SYT7: variants seen among roughly 807,000 people sequenced by gnomAD.
The protein encoded by SYT7 is synaptotagmin 7.
SYT7 carries 29 observed loss-of-function variants against 75.1 expected under a neutral mutation model. That is an observed-to-expected ratio of 0.39 (90% confidence interval 0.29 to 0.53). The LOEUF (loss-of-function observed/expected upper bound fraction) is 0.53, where lower values mean the gene tolerates loss of function less well. Among genes scored for constraint, SYT7 ranks in the 20% least tolerant of loss-of-function variants. The probability of loss-of-function intolerance (pLI) is 0.77; values close to 1 mark genes in which losing one functional copy is unlikely to be tolerated. For synonymous variants in SYT7, 376 were observed against 401.7 expected (o/e 0.94, Z 0.76); for missense variants, 693 against 953.2 (o/e 0.73, Z 3.59).
chr11:61,523,897 A>C lies in SYT7; in HGVS notation c.1686T>G (p.Ser562=), dbSNP rs774822637. Residue 562 remains serine (S), a synonymous_variant, in exon 11 of 13, where the codon TCT becomes TCG. Coordinates refer to ENST00000539008, the MANE Select transcript of SYT7 (RefSeq NM_001365809.2). The surrounding 1 kb of genome is among the most constrained non-coding windows in gnomAD (Gnocchi z 5.0). ...TGATGTTCACGATGATGGAGTTGGC[A>C]GAGGGGTTGTAGCAGAGAGACAAGA... is the stretch of plus-strand genomic sequence containing the variant. ...ELLLSLCYNP[S]ANSIIVNIIK... 6 of 1,613,914 alleles carry C rather than the reference A, an allele frequency of 3.7e-6. No individual in the cohort carries two copies. The African/African-American group carries it at 6.7e-5, about 18-fold the overall frequency.
rs745662250 is a variant in SYT7 at position 61,551,405 on chromosome 11, C to A, written c.194G>T (p.Arg65Leu). 6.2e-7 allele frequency: 1 copy of A among 1,613,852 alleles called. No homozygotes were observed. Among genetic ancestry groups the A allele is most frequent in the Non-Finnish European group, 8.5e-7 (1 of 1,179,946 alleles). The change falls in exon 3 of 13, where the codon CGC becomes CTC. Residue 65 changes from arginine (R) to leucine (L), a missense_variant. Transcript: ENST00000539008. This position sits in a 1 kb window ranked among gnomAD's most constrained non-coding sequence, Gnocchi z 5.3. ...TVGTPDSGRGRSEKKAINDLD... is the reference protein window; with the variant it reads ...TVGTPDSGRGLSEKKAINDLD... ...CTACTTGATAGCCTTCTTCTCACTG[C>A]GCCCACGCCCTGAGTCTGGCGTGCC...
intron 9 of SYT7, among the ~76,000 whole-genome samples, chr11:61,527,154 G>T (rs1363540466): frequency 5.3e-5 from 8 of 152,136 alleles, no homozygotes; most frequent in Admixed American, 5.2e-4. Context: ...AGAGAGAAAG[G>T]ACATTTGTCT....
chr11:61,572,034 T>C (rs1318171150), intron 1 of SYT7, among the ~76,000 whole-genome samples: 2 of 152,176 alleles, frequency 1.3e-5, no homozygotes, highest in African/African-American at 4.8e-5. Context: ...CTGGGTATTT[T>C]TAGGCCTCAG....
rs907793772 is a variant in SYT7 at position 61,551,019 on chromosome 11, A to C, written c.215+365T>G. Reference sequence around the variant, plus strand: ...GGAGGGGCCTCCCCGGCCTAGCAGCAGGGGCCCCATGAGAGGGGCTTGGAG... The same window carrying C: ...GGAGGGGCCTCCCCGGCCTAGCAGCCGGGGCCCCATGAGAGGGGCTTGGAG... On this transcript the variant is annotated intron_variant, in intron 3 of 12. Coordinates refer to ENST00000539008, the MANE Select transcript of SYT7 (RefSeq NM_001365809.2). The surrounding 1 kb of genome is among the most constrained non-coding windows in gnomAD (Gnocchi z 5.3). Among the ~76,000 whole-genome samples, 1 of 152,144 alleles carries C rather than the reference A, an allele frequency of 6.6e-6. No individual in the cohort carries two copies. The highest frequency in any genetic ancestry group is 1.5e-5 in the Non-Finnish European group (1 of 68,018).
upstream of SYT7, among the ~76,000 whole-genome samples, chr11:61,583,699 C>T (rs2064328789): frequency 6.6e-6 from 1 of 152,242 alleles, no homozygotes; most frequent in African/African-American, 2.4e-5. Context: ...GTCTCATCCT[C>T]TCCTCACGGG....
intron 9 of SYT7, among the ~76,000 whole-genome samples, chr11:61,525,058 T>C (rs1448862431): frequency 6.6e-6 from 1 of 152,012 alleles, no homozygotes; most frequent in Non-Finnish European, 1.5e-5. Context: ...TCCACACCCC[T>C]CTCCTCCTGC....
At chr11:61,530,848 CAG>C (rs1254981049) in intron 8 of SYT7, 1 of 985,316 alleles carries the variant, frequency 1.0e-6, no homozygotes, top group East Asian at 1.1e-4. Context: ...TCAGCTGGGA[CAG>C]AGCCATCTCT....
chr11:61,566,268 A>G (rs1173379104), intron 1 of SYT7, among the ~76,000 whole-genome samples: 1 of 151,520 alleles, frequency 6.6e-6, no homozygotes, highest in Non-Finnish European at 1.5e-5. Flanking sequence ...CTGCTCAGTG[A>G]CCCCCTCACC....
upstream of SYT7, among the ~76,000 whole-genome samples, chr11:61,582,775 C>T (rs200772452): frequency 2.0e-5 from 3 of 152,276 alleles, no homozygotes; most frequent in East Asian, 3.9e-4. Context: ...GTCTTCCCCC[C>T]ACTCACCCAA....
intron 7 of SYT7, among the ~76,000 whole-genome samples, chr11:61,533,943 G>A (rs558013038): frequency 2.9e-4 from 44 of 152,186 alleles, no homozygotes; most frequent in Admixed American, 2.2e-3. Context: ...ACAGAAAGAC[G>A]GGCACCACCG....
chr11:61,531,457 T>TGG (rs35039204), intron 8 of SYT7, among the ~76,000 whole-genome samples: 6 of 145,426 alleles, frequency 4.1e-5, no homozygotes, highest in Admixed American at 2.1e-4. Context: ...CCAGTCTTCC[T>TGG]GGGGGGGGGA....
At chr11:61,522,804 CCT>C (rs2062386314) in intron 12 of SYT7, among the ~76,000 whole-genome samples, 1 of 152,200 alleles carries the variant, frequency 6.6e-6, no homozygotes, top group Non-Finnish European at 1.5e-5. Flanking sequence ...CCAGGCCATT[CCT>C]CTCTTGCACT....
At chr11:61,570,194 T>C (rs2063884453) in intron 1 of SYT7, among the ~76,000 whole-genome samples, 1 of 152,256 alleles carries the variant, frequency 6.6e-6, no homozygotes, top group African/African-American at 2.4e-5. Context: ...GGCTAAGTCC[T>C]ACTGGTGGGT....
At chr11:61,518,866 T>C (rs990900219) in intron 12 of SYT7, 135 bp from the exon 13 acceptor site, 9 of 532,138 alleles carry the variant, frequency 1.7e-5, no homozygotes, top group Non-Finnish European at 2.8e-5. Flanking sequence ...TGTGACAACC[T>C]ACCCCACAGA....
rs1441467165 is a variant in SYT7 at position 61,518,597 on chromosome 11, C to G, written c.*30G>C. Reference sequence around the variant, plus strand: ...TGAGGGCATGATGGGGACCTGGGCCCTCGGCCCCCTGGGCCTCCCTTGGCC... The same window carrying G: ...TGAGGGCATGATGGGGACCTGGGCCGTCGGCCCCCTGGGCCTCCCTTGGCC... On this transcript the variant is annotated 3_prime_UTR_variant, in exon 13 of 13. Coordinates refer to ENST00000539008, the MANE Select transcript of SYT7 (RefSeq NM_001365809.2). 11 of 1,493,788 alleles carry G rather than the reference C, an allele frequency of 7.4e-6. No individual in the cohort carries two copies. The South Asian group carries it at 1.1e-4, about 16-fold the overall frequency. 92.5% of individuals were successfully genotyped at this position (1,493,788 alleles called of 1,614,324 possible).
At position 61,516,396 on chromosome 11, in the gene SYT7, G is replaced by A. The variant is rs1416549889; in HGVS notation, c.*2231C>T. 6.6e-6 allele frequency: 1 copy of A among 152,174 alleles called. No individual in the cohort carries two copies. The highest frequency in any genetic ancestry group is 2.4e-5 in the African/African-American group (1 of 41,442). 9.4% of individuals were successfully genotyped at this position (152,174 alleles called of 1,614,324 possible). On this transcript the variant is annotated 3_prime_UTR_variant, in exon 13 of 13. Transcript: ENST00000539008. The surrounding 1 kb of genome is among the most constrained non-coding windows in gnomAD (Gnocchi z 4.6). ...GATTGGCTAAGAGCTCTGTGGGCGG[G>A]GCTCGGGAAAAATGGGGAGCCGTTG...
chr11:61,527,210 C>G (rs1411856975), intron 9 of SYT7, among the ~76,000 whole-genome samples: 1 of 152,128 alleles, frequency 6.6e-6, no homozygotes, highest in East Asian at 1.9e-4. Flanking sequence ...CCGTCCCATG[C>G]GGGGGAGGGG....
rs933293430 is a variant in SYT7, at chr11:61,550,678, A to G, written c.215+706T>C. On this transcript the variant is annotated intron_variant, in intron 3 of 12. Coordinates refer to ENST00000539008, the MANE Select transcript of SYT7 (RefSeq NM_001365809.2). ...GCAAAAGCCTCCATTTCCAGAGCCC[A>G]GGTGGCCTGAGTCCCCCGCCAGGTG... is the stretch of plus-strand genomic sequence containing the variant. Among the ~76,000 whole-genome samples, 8 of 152,232 alleles carry G rather than the reference A, an allele frequency of 5.3e-5. No individual in the cohort carries two copies. The East Asian group carries it at 1.6e-3, about 30-fold the overall frequency.
At chr11:61,547,044 TG>T in intron 4 of SYT7, 132 bp downstream of exon 4, 1 of 1,075,892 alleles carries the variant, frequency 9.3e-7, no homozygotes, top group South Asian at 1.7e-5. Context: ...GGTGGATGGG[TG>T]GGGAAGTTGG....
Sources: allele counts gnomAD v4.1 joint callset (sites outside exome capture counted in the v4.1 genomes callset), GRCh38; gene constraint gnomAD v4.1.1; non-coding constraint Gnocchi (gnomAD v3.1); transcripts MANE v1.5; gene names NCBI Gene and HGNC (gene_info 2026-07-23, HGNC 2026-07-21).